Variants in DNAI4 observed in about 807,000 individuals in gnomAD.
The protein encoded by DNAI4 is dynein axonemal intermediate chain 4, also known as WD repeat domain 78.
DNAI4 carries 85 observed loss-of-function variants against 105.8 expected under a neutral mutation model. The observed-to-expected ratio is 0.80, with a 90% confidence interval of 0.67 to 0.96. The LOEUF (loss-of-function observed/expected upper bound fraction) is 0.96, where lower values mean the gene tolerates loss of function less well. Ranked by LOEUF, DNAI4 falls within the 40% of genes least tolerant of loss-of-function variation. The pLI is 0.00. For synonymous variants in DNAI4, 352 were observed against 331.5 expected (o/e 1.06, Z -0.67); for missense variants, 1,014 against 1,005.6 (o/e 1.01, Z -0.11).
chr1:66,892,997 G>GAA lies in DNAI4; in HGVS notation c.530+231_530+232insTT, dbSNP rs1434711897. 3.0e-3 allele frequency among the ~76,000 whole-genome samples: 334 copies of GAA among 111,516 alleles called. 10 individuals carry two copies. The highest frequency in any genetic ancestry group is 0.011 in the African/African-American group (282 of 25,172). The allele number at this position is 111,516 out of a possible 152,430, so 73.2% of individuals were successfully genotyped here. On this transcript the variant is annotated intron_variant, in intron 3 of 16. Coordinates refer to ENST00000371026, the MANE Select transcript of DNAI4 (RefSeq NM_024763.5). ...AGAAAGAAAGAAAGAAAGAAAGAAA[G>GAA]AGAGAAAGAGAGAGAGGAAAGAAAG...
At chr1:66,866,864 G>A (rs953575889) in intron 6 of DNAI4, among the ~76,000 whole-genome samples, 4 of 152,180 alleles carry the variant, frequency 2.6e-5, no homozygotes, top group African/African-American at 9.6e-5. Context: ...AATTACCAAG[G>A]GTAATTTATA....
At chr1:66,855,659 G>A (rs529155712) in intron 7 of DNAI4, among the ~76,000 whole-genome samples, 27 of 152,168 alleles carry the variant, frequency 1.8e-4, no homozygotes, top group African/African-American at 6.5e-4. Flanking sequence ...TCTCCAAGAA[G>A]ACATAATAAT....
intron 1 of DNAI4, among the ~76,000 whole-genome samples, chr1:66,905,918 C>CTTTTTTTTTTTTTTTTTTTT (rs34206774): frequency 1.0e-5 from 1 of 96,404 alleles, no homozygotes; most frequent in African/African-American, 4.0e-5. Context: ...TTATATACTA[C>CTTTTTTTTTTTTTTTTTTTT]TTTTTTTTTT....
At chr1:66,837,835 T>C in intron 9 of DNAI4, 39 bp from the exon 10 acceptor site, 1 of 1,536,060 alleles carries the variant, frequency 6.5e-7, no homozygotes, top group Non-Finnish European at 8.9e-7. Context: ...TAAGAGAAGA[T>C]AGCATTAAAA....
intron 16 of DNAI4, among the ~76,000 whole-genome samples, chr1:66,819,240 A>T (rs1645577524): frequency 6.6e-6 from 1 of 152,168 alleles, no homozygotes; most frequent in African/African-American, 2.4e-5. Context: ...CTCAGTCAGG[A>T]ATAACAATTC....
At chr1:66,902,299 T>A (rs1040548331) in intron 2 of DNAI4, among the ~76,000 whole-genome samples, 3 of 152,186 alleles carry the variant, frequency 2.0e-5, no homozygotes, top group Non-Finnish European at 4.4e-5. Context: ...TTGATTTGCA[T>A]TTCCCTAATG....
intron 16 of DNAI4, 147 bp downstream of exon 16, chr1:66,822,214 T>G: frequency 1.7e-6 from 1 of 592,830 alleles, no homozygotes; most frequent in Non-Finnish European, 2.6e-6. Flanking sequence ...GTAGGCACCA[T>G]GTATAGAAGT....
chr1:66,846,540 G>A (rs1047706778), intron 8 of DNAI4, among the ~76,000 whole-genome samples: 1 of 152,158 alleles, frequency 6.6e-6, no homozygotes, highest in Admixed American at 6.5e-5. Context: ...AGGATTACCA[G>A]ATAAGTCTAA....
chr1:66,837,764 T>A lies in DNAI4; in HGVS notation c.1527A>T (p.Gly509=), dbSNP rs745757651. The A allele has an allele frequency of 2.7e-5, 43 of 1,609,062 alleles. No homozygotes were observed. The highest frequency in any genetic ancestry group is 3.5e-5 in the Non-Finnish European group (41 of 1,178,492). ...CCAGTCCTCTTTTTTGCTCTTTAAA[T>A]CCAAAGTGCCCATAGCCAACAGCCA... ...DLLAVGYGHF[G]FKEQKRGLAC... is the part of the protein sequence containing the mutation. The change falls in exon 10 of 17, where the codon GGA becomes GGT. Residue 509 remains glycine, a synonymous_variant. Coordinates refer to ENST00000371026, the MANE Select transcript of DNAI4 (RefSeq NM_024763.5).
At chr1:66,914,592 GCTAT>G (rs1358212007) in intron 1 of DNAI4, among the ~76,000 whole-genome samples, 1 of 151,908 alleles carries the variant, frequency 6.6e-6, no homozygotes, top group Non-Finnish European at 1.5e-5. Flanking sequence ...TGTAAATTTT[GCTAT>G]CTGACTTTCA....
At chr1:66,904,042 T>C (rs1271871003) in intron 2 of DNAI4, among the ~76,000 whole-genome samples, 1 of 151,722 alleles carries the variant, frequency 6.6e-6, no homozygotes, top group Non-Finnish European at 1.5e-5. Flanking sequence ...TATGCATATA[T>C]ATTTAAATGC....
chr1:66,839,666 G>A (rs959464244), intron 9 of DNAI4, among the ~76,000 whole-genome samples: 15 of 152,164 alleles, frequency 9.9e-5, no homozygotes, highest in African/African-American at 3.6e-4. Flanking sequence ...ATAAACCCCA[G>A]AAGAAAATTA....
At chr1:66,878,952 T>C (rs1377629730) in intron 4 of DNAI4, among the ~76,000 whole-genome samples, 1 of 152,224 alleles carries the variant, frequency 6.6e-6, no homozygotes, top group Non-Finnish European at 1.5e-5. Flanking sequence ...AGGGTTATAT[T>C]ATACATTTGT....
intron 7 of DNAI4, among the ~76,000 whole-genome samples, chr1:66,857,733 C>T (rs559028764): frequency 1.7e-4 from 26 of 152,016 alleles, no homozygotes; most frequent in African/African-American, 5.8e-4. Context: ...GGAGTTTCTC[C>T]GTCTGTTGGT....
chr1:66,848,699 T>C (rs977060668), intron 7 of DNAI4, among the ~76,000 whole-genome samples: 1 of 152,154 alleles, frequency 6.6e-6, no homozygotes, highest in Non-Finnish European at 1.5e-5. Flanking sequence ...TATATATATA[T>C]ATTCCAGATA....
At chr1:66,874,124 A>AG (rs1241772656) in intron 5 of DNAI4, among the ~76,000 whole-genome samples, 1 of 151,920 alleles carries the variant, frequency 6.6e-6, no homozygotes, top group African/African-American at 2.4e-5. Flanking sequence ...TTTTAGATGG[A>AG]GGAGAGCGGA....
At chr1:66,887,913 C>T (rs956375749) in intron 4 of DNAI4, among the ~76,000 whole-genome samples, 4 of 151,882 alleles carry the variant, frequency 2.6e-5, no homozygotes, top group Middle Eastern at 3.2e-3. Flanking sequence ...GAGCCGAGAT[C>T]GCACCACTGC....
rs6703322 is a variant in DNAI4 at position 66,891,812 on chromosome 1, G to A, written c.531-546C>T. Among the ~76,000 whole-genome samples the A allele has an allele frequency of 9.1e-3, 1,390 of 152,164 alleles. 15 individuals are homozygous for A. Among genetic ancestry groups the A allele is most frequent in the Admixed American group, 0.016 (241 of 15,280 alleles). On this transcript the variant is annotated intron_variant, in intron 3 of 16. Coordinates refer to ENST00000371026, the MANE Select transcript of DNAI4 (RefSeq NM_024763.5). ...ATGTTAAACATGCTTAAAGTCCTTC[G>A]GTGAATTACCAATACATTTAGTACA... is the stretch of plus-strand genomic sequence containing the variant.
At chr1:66,866,173 G>C (rs1021242726) in intron 6 of DNAI4, among the ~76,000 whole-genome samples, 1 of 151,968 alleles carries the variant, frequency 6.6e-6, no homozygotes. Flanking sequence ...CAGGTGTGAC[G>C]GCAGGCACTT....
Sources: gnomAD v4.1 joint callset for allele counts (sites outside exome capture counted in the v4.1 genomes callset) on GRCh38, gnomAD v4.1.1 for gene constraint, MANE v1.5 for transcripts, NCBI Gene and HGNC (gene_info 2026-07-23, HGNC 2026-07-21) for gene names.